The following CACNB2 variants were observed in gnomAD, a reference collection of about 807,000 sequenced individuals.
CACNB2 encodes the protein calcium voltage-gated channel auxiliary subunit beta 2.
A neutral mutation model predicts 73.3 loss-of-function variants in CACNB2; 42 were observed. The ratio of observed to expected loss-of-function variants is 0.57; its 90% confidence interval spans 0.45 to 0.74. CACNB2 has a LOEUF of 0.74. Ranked by LOEUF, CACNB2 falls within the 30% of genes least tolerant of loss-of-function variation. The pLI is 0.00. For missense variants in CACNB2, 940 were observed against 853.0 expected (o/e 1.10, Z -1.27); for synonymous variants, 348 against 310.3 (o/e 1.12, Z -1.28).
chr10:18,427,865 ATTCTATT>A (rs2045685213), intron 3 of CACNB2, among the ~76,000 whole-genome samples: 2 of 152,146 alleles, frequency 1.3e-5, no homozygotes, highest in South Asian at 2.1e-4. Flanking sequence ...TTTTTGAATA[ATTCTATT>A]TTCTATTTCA....
intron 7 of CACNB2, among the ~76,000 whole-genome samples, chr10:18,517,945 A>G (rs181055817): frequency 4.6e-5 from 7 of 152,356 alleles, no homozygotes; most frequent in Non-Finnish European, 1.0e-4. Flanking sequence ...AGGTCTAATC[A>G]CTACAACTCT....
intron 3 of CACNB2, among the ~76,000 whole-genome samples, chr10:18,412,528 A>C (rs1159274308): frequency 6.6e-6 from 1 of 151,932 alleles, no homozygotes; most frequent in Non-Finnish European, 1.5e-5. Flanking sequence ...CCATCTCTTT[A>C]CTGAGGGTCT....
chr10:18,239,083 A>G (rs1283151038), intron 2 of CACNB2, among the ~76,000 whole-genome samples: 2 of 152,184 alleles, frequency 1.3e-5, no homozygotes, highest in Non-Finnish European at 2.9e-5. Context: ...AAAGTTTGCC[A>G]TCTAGTGGCC....
At chr10:18,499,069 C>T (rs1295331205) in intron 4 of CACNB2, among the ~76,000 whole-genome samples, 1 of 152,202 alleles carries the variant, frequency 6.6e-6, no homozygotes, top group Non-Finnish European at 1.5e-5. Flanking sequence ...TGGAAACTTT[C>T]ATCCTTAATT....
chr10:18,296,707 A>G (rs1405948675), intron 2 of CACNB2, among the ~76,000 whole-genome samples: 1 of 152,208 alleles, frequency 6.6e-6, no homozygotes, highest in African/African-American at 2.4e-5. Context: ...TTAAAAGGGA[A>G]CAAGTCATCA....
intron 1 of CACNB2, among the ~76,000 whole-genome samples, chr10:18,150,422 G>A (rs2031406220): frequency 6.6e-6 from 1 of 152,178 alleles, no homozygotes. Flanking sequence ...CTAACACTTT[G>A]GGAGGCCAAG....
At chr10:18,285,743 T>G (rs983838883) in intron 2 of CACNB2, among the ~76,000 whole-genome samples, 6 of 152,264 alleles carry the variant, frequency 3.9e-5, no homozygotes, top group African/African-American at 1.2e-4. Context: ...AGTTGTTATG[T>G]GACATTTTGA....
chr10:18,376,733 C>T (rs188420123), intron 2 of CACNB2, among the ~76,000 whole-genome samples: 11 of 152,006 alleles, frequency 7.2e-5, no homozygotes, highest in Admixed American at 4.6e-4. Context: ...CTTTCCAGCT[C>T]GGAGGAGGGT....
chr10:18,205,909 C>T lies in CACNB2; in HGVS notation c.213+54934C>T, dbSNP rs535638560. Among the ~76,000 whole-genome samples the T allele has an allele frequency of 1.8e-3, 275 of 152,284 alleles. 2 individuals are homozygous for T. The highest frequency in any genetic ancestry group is 6.4e-3 in the African/African-American group (266 of 41,568). The stretch of plus-strand genomic sequence containing the variant: ...TTTGCAAGGGTTCCATCTGTTGATG[C>T]TTACCTCTGTGGGGTGGGTCCAGGG... On this transcript the variant is annotated intron_variant, in intron 2 of 13. Transcript: ENST00000324631.
chr10:18,438,869 C>G (rs986289973), intron 3 of CACNB2, among the ~76,000 whole-genome samples: 1 of 152,170 alleles, frequency 6.6e-6, no homozygotes, highest in Non-Finnish European at 1.5e-5. Context: ...ACCTGATTTC[C>G]TCCCATGTGA....
intron 2 of CACNB2, among the ~76,000 whole-genome samples, chr10:18,358,539 TCTCTCTCTCTCTCG>T (rs1260107770): frequency 0.034 from 1,145 of 34,152 alleles, 50 homozygotes; most frequent in South Asian, 0.056. Flanking sequence ...TCTCTCTCTC[TCTCTCTCTCTCTCG>T]CTCTCTCTCT....
At chr10:18,412,318 T>G (rs999479536) in intron 3 of CACNB2, among the ~76,000 whole-genome samples, 1 of 152,186 alleles carries the variant, frequency 6.6e-6, no homozygotes, top group Admixed American at 6.5e-5. Flanking sequence ...GCAAACAACC[T>G]GCCACATTCA....
intron 2 of CACNB2, among the ~76,000 whole-genome samples, chr10:18,213,742 C>A (rs1412366447): frequency 6.6e-6 from 1 of 152,156 alleles, no homozygotes; most frequent in East Asian, 1.9e-4. Flanking sequence ...CTATTTTAGG[C>A]TACTTGCAAA....
At chr10:18,255,036 C>T (rs1036703832) in intron 2 of CACNB2, among the ~76,000 whole-genome samples, 1 of 152,126 alleles carries the variant, frequency 6.6e-6, no homozygotes, top group African/African-American at 2.4e-5. Flanking sequence ...AAAGTACTTC[C>T]TAGCTGATCT....
chr10:18,206,811 G>A (rs1356459862), intron 2 of CACNB2: 1 of 152,246 alleles, frequency 6.6e-6, no homozygotes, highest in Non-Finnish European at 1.5e-5. Flanking sequence ...GGTGAAGTAA[G>A]ACATGCCAGT....
At chr10:18,511,618 TATA>T in intron 6 of CACNB2, among the ~76,000 whole-genome samples, 1 of 152,338 alleles carries the variant, frequency 6.6e-6, no homozygotes, top group East Asian at 1.9e-4. Context: ...AGCTAACATG[TATA>T]ATATGATGCT....
chr10:18,261,350 G>A lies in CACNB2; in HGVS notation c.213+110375G>A, dbSNP rs892094980. On this transcript the variant is annotated intron_variant, in intron 2 of 13. Coordinates refer to ENST00000324631, the MANE Select transcript of CACNB2 (RefSeq NM_201596.3). ...TCTATTGCTGTAGAATTGCAGCTGG[G>A]AGCTGAAAATACTATTCGTGTCTGT... 237 of 1,551,462 alleles carry A rather than the reference G, an allele frequency of 1.5e-4. 1 individual carries two copies. Among genetic ancestry groups the A allele is most frequent in the Non-Finnish European group, 2.0e-4 (232 of 1,146,964 alleles).
At chr10:18,309,471 T>G (rs1192776442) in intron 2 of CACNB2, among the ~76,000 whole-genome samples, 1 of 152,178 alleles carries the variant, frequency 6.6e-6, no homozygotes, top group East Asian at 1.9e-4. Flanking sequence ...TTTTCCTTTT[T>G]TTAGTTTAGT....
chr10:18,182,812 ACT>A (rs1360558791), intron 2 of CACNB2, among the ~76,000 whole-genome samples: 2 of 141,404 alleles, frequency 1.4e-5, no homozygotes, highest in Non-Finnish European at 3.0e-5. Context: ...ACAGAATGAG[ACT>A]CTGTCTCAAA....
Sources: allele counts gnomAD v4.1 joint callset (sites outside exome capture counted in the v4.1 genomes callset), GRCh38; gene constraint gnomAD v4.1.1; transcripts MANE v1.5; gene names NCBI Gene and HGNC (gene_info 2026-07-23, HGNC 2026-07-21).